The following SULT1C3 variants were observed in gnomAD, a reference collection of about 807,000 sequenced individuals.
SULT1C3 encodes sulfotransferase 1C3.
In SULT1C3, 31 loss-of-function variants were observed where a neutral mutation model predicts 28.4. The observed-to-expected ratio is 1.09, with a 90% CI of 0.82 to 1.47. SULT1C3 has a LOEUF of 1.47. SULT1C3 is among the 40% of genes most tolerant of loss of function. The probability of loss-of-function intolerance (pLI) is 0.00; values close to 1 mark genes in which losing one functional copy is unlikely to be tolerated. For synonymous variants in SULT1C3, 106 were observed against 92.2 expected, an observed-to-expected ratio of 1.15 and a Z score of -0.86; for missense variants, 307 against 272.5, an observed-to-expected ratio of 1.13 and a Z score of -0.89.
chr2:108,253,466 C>G, intron 4 of SULT1C3, 24 bp downstream of exon 4: 1 of 1,257,912 alleles, frequency 7.9e-7, no homozygotes, highest in Non-Finnish European at 1.1e-6. Flanking sequence ...GCTTTTCAAA[C>G]TTCTCTTAGC....
At position 108,252,477 on chromosome 2, in the gene SULT1C3, C is replaced by G. The variant is rs748734048; in HGVS notation, c.285C>G (p.Pro95=). ...DRHAFLELKF[P]HKEKPDLEFV... is the part of the protein sequence containing the mutation. ...ACGCTTTCCTTGAACTGAAATTTCC[C>G]CATAAAGAAAAACCAGGTGAGTAAT... The change falls in exon 3 of 8, where the codon CCC becomes CCG. Residue 95 remains proline (P), a synonymous_variant. Transcript: ENST00000681802. 1.2e-6 allele frequency: 2 copies of G among 1,611,758 alleles called. No homozygotes were observed. Among genetic ancestry groups the G allele is most frequent in the Middle Eastern group, 1.7e-4 (1 of 6,036 alleles).
At chr2:108,244,074 A>G (rs1390484527) in intron 1 of SULT1C3, among the ~76,000 whole-genome samples, 1 of 152,198 alleles carries the variant, frequency 6.6e-6, no homozygotes, top group Non-Finnish European at 1.5e-5. Flanking sequence ...CTTTTCTTTG[A>G]CAGAACCATA....
In SULT1C3 at chr2:108,253,380, C is replaced by A; in HGVS notation, c.337C>A (p.Leu113Met). The change falls in exon 4 of 8, where the codon CTG becomes ATG. Residue 113 changes from leucine to methionine, a missense_variant. Physicochemically the swap from Leu to Met is conservative, Grantham distance 15. Transcript: ENST00000681802. ...EFVLEMSSPQ[L>M]IKTHLPSHLI... ...CGTTCTTGAAATGTCCTCACCACAA[C>A]TGATAAAAACACATCTCCCTTCACA... 1 of 1,582,250 alleles carries A rather than the reference C, an allele frequency of 6.3e-7. No homozygotes were observed. Among genetic ancestry groups the A allele is most frequent in the Non-Finnish European group, 8.6e-7 (1 of 1,164,818 alleles).
intron 7 of SULT1C3, among the ~76,000 whole-genome samples, chr2:108,260,193 C>T (rs1388125114): frequency 6.6e-6 from 1 of 152,064 alleles, no homozygotes; most frequent in African/African-American, 2.4e-5. Context: ...CATCTTGTAA[C>T]GTCTTTCACT....
At position 108,260,772 on chromosome 2, in the gene SULT1C3, T is replaced by C; in HGVS notation, c.*92T>C. On this transcript the variant is annotated 3_prime_UTR_variant, in exon 8 of 8. Transcript: ENST00000681802. ...AGGAACTGTGACTGAATGTGGAGCTTATGAGCTTCAGTCCATCTCCTATAG... is the reference window on the plus strand; with the variant it reads ...AGGAACTGTGACTGAATGTGGAGCTCATGAGCTTCAGTCCATCTCCTATAG... 1 of 411,266 alleles carries C rather than the reference T, an allele frequency of 2.4e-6. No individual in the cohort carries two copies. The highest frequency in any genetic ancestry group is 4.9e-6 in the Non-Finnish European group (1 of 204,132). 25.5% of individuals were successfully genotyped at this position (411,266 alleles called of 1,614,324 possible). A position where few individuals can be genotyped will look rare whatever the true frequency, so the allele number is the denominator to read the frequency against.
intron 1 of SULT1C3, among the ~76,000 whole-genome samples, chr2:108,246,978 A>G (rs1410687018): frequency 2.0e-5 from 3 of 152,208 alleles, no homozygotes; most frequent in Non-Finnish European, 4.4e-5. Flanking sequence ...TTCCACATGT[A>G]GAAAACAGAA....
intron 4 of SULT1C3, among the ~76,000 whole-genome samples, chr2:108,253,854 C>T (rs2104388861): frequency 6.6e-6 from 1 of 152,146 alleles, no homozygotes; most frequent in African/African-American, 2.4e-5. Flanking sequence ...TCCACACCTC[C>T]ATAATCTACT....
At chr2:108,257,666 TA>T (rs1675908256) in intron 5 of SULT1C3, among the ~76,000 whole-genome samples, 1 of 152,098 alleles carries the variant, frequency 6.6e-6, no homozygotes, top group Non-Finnish European at 1.5e-5. Context: ...AGCTCTGTTT[TA>T]TTATTAGTTT....
chr2:108,262,903 C>T (rs1676054632), downstream of SULT1C3, among the ~76,000 whole-genome samples: 2 of 152,154 alleles, frequency 1.3e-5, no homozygotes. Context: ...AAATTATCAC[C>T]AAACCAACTC....
At chr2:108,242,891 C>T (rs1196514750) in intron 1 of SULT1C3, among the ~76,000 whole-genome samples, 3 of 152,048 alleles carry the variant, frequency 2.0e-5, no homozygotes, top group South Asian at 2.1e-4. Flanking sequence ...ATAATTCAGT[C>T]GACTGAGAGG....
downstream of SULT1C3, chr2:108,264,813 T>A (rs1380014522): frequency 3.1e-6 from 5 of 1,600,004 alleles, no homozygotes; most frequent in East Asian, 1.1e-4. Context: ...GGTGTGACTG[T>A]TCCACATACA....
At chr2:108,246,332 T>C (rs372047242) in intron 1 of SULT1C3, among the ~76,000 whole-genome samples, 5 of 152,306 alleles carry the variant, frequency 3.3e-5, no homozygotes, top group African/African-American at 7.2e-5. Context: ...TCCCTTTTCA[T>C]GCTGTTAATA....
At chr2:108,263,841 A>T (rs1272347369), downstream of SULT1C3, among the ~76,000 whole-genome samples, 2 of 152,204 alleles carry the variant, frequency 1.3e-5, no homozygotes, top group Non-Finnish European at 2.9e-5. Flanking sequence ...GCTTTGCTTT[A>T]ATTCAGTTTT....
downstream of SULT1C3, among the ~76,000 whole-genome samples, chr2:108,263,415 A>G (rs938886427): frequency 1.3e-5 from 2 of 152,118 alleles, no homozygotes; most frequent in Non-Finnish European, 2.9e-5. Context: ...CATTAATGCA[A>G]CCTGCCTGCC....
chr2:108,249,936 T>A (rs1291581974), intron 2 of SULT1C3, among the ~76,000 whole-genome samples: 1 of 151,948 alleles, frequency 6.6e-6, no homozygotes, highest in Non-Finnish European at 1.5e-5. Flanking sequence ...GTGCAATGCA[T>A]CAGACCTCAA....
intron 5 of SULT1C3, 150 bp from the exon 6 acceptor site, chr2:108,258,584 G>T: frequency 1.7e-6 from 1 of 591,952 alleles, no homozygotes; most frequent in South Asian, 2.9e-5. Flanking sequence ...ACACCATATA[G>T]ACAAATTTTA....
chr2:108,243,784 T>C (rs78453357), intron 1 of SULT1C3, among the ~76,000 whole-genome samples: 4,179 of 152,266 alleles, frequency 0.027, 206 homozygotes, highest in African/African-American at 0.096. Context: ...GCTTAAGATA[T>C]TTTGTAAACT....
downstream of SULT1C3, chr2:108,264,820 T>A (rs746538420): frequency 6.2e-7 from 1 of 1,604,454 alleles, no homozygotes. Flanking sequence ...CTGTTCCACA[T>A]ACAGGACCCA....
At chr2:108,264,610 G>A (rs954165442), downstream of SULT1C3, among the ~76,000 whole-genome samples, 4 of 152,154 alleles carry the variant, frequency 2.6e-5, no homozygotes, top group African/African-American at 4.8e-5. Flanking sequence ...TTCCTTCAAG[G>A]TAAGCCTCTT....
Sources: gnomAD v4.1 joint callset for allele counts (sites outside exome capture counted in the v4.1 genomes callset) on GRCh38, gnomAD v4.1.1 for gene constraint, MANE v1.5 for transcripts, NCBI Gene and HGNC (gene_info 2026-07-23, HGNC 2026-07-21) for gene names.